Variants in UPF2 observed in about 807,000 individuals in gnomAD.
UPF2 encodes the protein regulator of nonsense transcripts 2.
A neutral mutation model predicts 141.4 loss-of-function variants in UPF2; 17 were observed. The observed-to-expected ratio is 0.12, with a 90% CI of 0.08 to 0.18. UPF2 has a LOEUF of 0.18. Among genes scored for constraint, UPF2 ranks in the 10% least tolerant of loss-of-function variants. The probability of loss-of-function intolerance (pLI) is 1.00; values close to 1 mark genes in which losing one functional copy is unlikely to be tolerated. For synonymous variants in UPF2, 540 were observed against 498.0 expected (o/e 1.08, Z -1.12); for missense variants, 1,152 against 1,515.9 (o/e 0.76, Z 3.99).
intron 18 of UPF2, among the ~76,000 whole-genome samples, chr10:11,938,139 A>G (rs1197308849): frequency 6.6e-6 from 1 of 152,156 alleles, no homozygotes; most frequent in Non-Finnish European, 1.5e-5. Flanking sequence ...GCATATACTA[A>G]TAATATATAC....
intron 3 of UPF2, among the ~76,000 whole-genome samples, chr10:12,020,422 T>C (rs1248100902): frequency 1.3e-5 from 2 of 152,112 alleles, no homozygotes; most frequent in Non-Finnish European, 2.9e-5. Flanking sequence ...CGGCTAATTT[T>C]GTATTTTTAG....
At chr10:11,966,157 G>A (rs1406242694) in intron 10 of UPF2, among the ~76,000 whole-genome samples, 1 of 152,158 alleles carries the variant, frequency 6.6e-6, no homozygotes, top group Non-Finnish European at 1.5e-5. Context: ...TGTAAATTCT[G>A]CTGCTGTTGG....
Position 11,940,298 on chromosome 10 carries a change from C to T in UPF2, c.3378+2367G>A, listed in dbSNP as rs1832920892. Reference sequence around the variant, plus strand: ...ATATCAAAAACTTCTATTCCTTTGACTTCATCAGCTTTTCTACCTTATTTC... The same window carrying T: ...ATATCAAAAACTTCTATTCCTTTGATTTCATCAGCTTTTCTACCTTATTTC... On this transcript the variant is annotated intron_variant, in intron 18 of 21. Transcript: ENST00000357604. The surrounding 1 kb of genome is among the most constrained non-coding windows in gnomAD (Gnocchi z 4.2). Among the ~76,000 whole-genome samples, 1 of 152,170 alleles carries T rather than the reference C, an allele frequency of 6.6e-6. No individual in the cohort carries two copies. The highest frequency in any genetic ancestry group is 6.5e-5 in the Admixed American group (1 of 15,276).
At chr10:12,033,689 A>C (rs1834569131) in intron 2 of UPF2, among the ~76,000 whole-genome samples, 1 of 152,232 alleles carries the variant, frequency 6.6e-6, no homozygotes, top group Non-Finnish European at 1.5e-5. Context: ...TTAGTTAAAA[A>C]TAAATAAGTT....
intron 19 of UPF2, among the ~76,000 whole-genome samples, chr10:11,934,802 C>T (rs540117570): frequency 5.3e-5 from 8 of 152,090 alleles, no homozygotes; most frequent in African/African-American, 1.7e-4. Context: ...GTTGGTCAGG[C>T]TGGTCTTGAA....
Position 12,019,613 on chromosome 10 carries a change from T to C in UPF2, c.1146-5429A>G, listed in dbSNP as rs572166432. On this transcript the variant is annotated intron_variant, in intron 3 of 21. Coordinates refer to ENST00000357604, the MANE Select transcript of UPF2 (RefSeq NM_015542.4). The surrounding 1 kb of genome is among the most constrained non-coding windows in gnomAD (Gnocchi z 4.5). Reference sequence around the variant, plus strand: ...AGAACAAAATCTATGCCAACTCTTATGCTTTGTTATAAAAATAAAAAAAAA... The same window carrying C: ...AGAACAAAATCTATGCCAACTCTTACGCTTTGTTATAAAAATAAAAAAAAA... Among the ~76,000 whole-genome samples, 2 of 152,228 alleles carry C rather than the reference T, an allele frequency of 1.3e-5. No homozygotes were observed. Among genetic ancestry groups the C allele is most frequent in the Non-Finnish European group, 2.9e-5 (2 of 68,050 alleles).
At chr10:11,930,216 C>T (rs1832766128) in intron 20 of UPF2, among the ~76,000 whole-genome samples, 1 of 152,230 alleles carries the variant, frequency 6.6e-6, no homozygotes, top group African/African-American at 2.4e-5. Flanking sequence ...CTAGCCACCA[C>T]ATAGCTATAT....
At chr10:12,007,785 C>T (rs891258040) in intron 4 of UPF2, among the ~76,000 whole-genome samples, 12 of 150,644 alleles carry the variant, frequency 8.0e-5, no homozygotes, top group South Asian at 2.1e-4. Context: ...GAGCTGTGAA[C>T]GCGCCACTGC....
chr10:11,945,676 C>T (rs890749359), intron 16 of UPF2, among the ~76,000 whole-genome samples: 9 of 152,112 alleles, frequency 5.9e-5, no homozygotes, highest in Non-Finnish European at 1.2e-4. Context: ...TTATAAAGTT[C>T]ATGTTTAAAA....
chr10:12,011,739 A>T (rs1032302333), intron 4 of UPF2, among the ~76,000 whole-genome samples: 8 of 151,956 alleles, frequency 5.3e-5, no homozygotes, highest in African/African-American at 1.9e-4. Context: ...TGAGGTTGGG[A>T]GTTCGAGACC....
At position 11,991,343 on chromosome 10, in the gene UPF2, G is replaced by C. The variant is rs572504479; in HGVS notation, c.1844+6329C>G. ...AACAGTGACTGGTAAGAATAAAATC[G>C]CCAGAAAACAACCACAGCACAGTCA... On this transcript the variant is annotated intron_variant, in intron 8 of 21. Transcript: ENST00000357604. Among the ~76,000 whole-genome samples the C allele has an allele frequency of 9.2e-5, 14 of 151,952 alleles. No individual in the cohort carries two copies. The East Asian group carries it at 2.3e-3, about 25-fold the overall frequency.
chr10:11,956,239 A>G lies in UPF2; in HGVS notation c.2574+81T>C. On this transcript the variant is annotated intron_variant, in intron 13 of 21. Transcript: ENST00000357604. This position sits in a 1 kb window ranked among gnomAD's most constrained non-coding sequence, Gnocchi z 4.2. ...ACTAATAAATTTACAGATTCCTATA[A>G]CTTGAGTCTCAATAGTAACCTAGAA... The G allele has an allele frequency of 7.8e-7, 1 of 1,277,864 alleles. No homozygotes were observed. The highest frequency in any genetic ancestry group is 1.1e-6 in the Non-Finnish European group (1 of 889,320). The allele number at this position is 1,277,864 out of a possible 1,614,324, so 79.2% of individuals were successfully genotyped here.
At chr10:11,963,373 T>G (rs1346116280) in intron 11 of UPF2, among the ~76,000 whole-genome samples, 1 of 148,906 alleles carries the variant, frequency 6.7e-6, no homozygotes, top group Non-Finnish European at 1.5e-5. Context: ...GGTCTCATTC[T>G]GCCGCCCAGG....
At chr10:12,023,304 AT>A (rs1479677790) in intron 3 of UPF2, among the ~76,000 whole-genome samples, 2 of 152,168 alleles carry the variant, frequency 1.3e-5, no homozygotes, top group African/African-American at 4.8e-5. Context: ...AAATAGGCAA[AT>A]ACTACTGGAT....
chr10:11,934,229 C>T (rs1032025061), intron 19 of UPF2, among the ~76,000 whole-genome samples: 1 of 152,198 alleles, frequency 6.6e-6, no homozygotes, highest in African/African-American at 2.4e-5. Context: ...TGTGAATCCT[C>T]GTAACAGTGG....
intron 8 of UPF2, among the ~76,000 whole-genome samples, chr10:11,993,446 G>C (rs1291825018): frequency 6.6e-6 from 1 of 151,402 alleles, no homozygotes; most frequent in Admixed American, 6.6e-5. Flanking sequence ...AAATAGATCT[G>C]AATCATTATT....
chr10:12,025,801 A>G (rs1239532285), intron 3 of UPF2, among the ~76,000 whole-genome samples: 1 of 152,170 alleles, frequency 6.6e-6, no homozygotes, highest in African/African-American at 2.4e-5. Context: ...AGCACTATTC[A>G]GTTTTTGTTT....
At chr10:11,997,415 C>A (rs527607740) in intron 8 of UPF2, among the ~76,000 whole-genome samples, 2 of 151,896 alleles carry the variant, frequency 1.3e-5, no homozygotes, top group Non-Finnish European at 2.9e-5. Flanking sequence ...TCTAGCAATT[C>A]TTCTTCTTCT....
intron 1 of UPF2, among the ~76,000 whole-genome samples, chr10:12,036,061 C>G (rs990817410): frequency 6.6e-6 from 1 of 152,196 alleles, no homozygotes; most frequent in Non-Finnish European, 1.5e-5. Context: ...ACTTCTTCAT[C>G]TGTATTAGTT....
Sources: gnomAD v4.1 joint callset for allele counts (sites outside exome capture counted in the v4.1 genomes callset) on GRCh38, gnomAD v4.1.1 for gene constraint, Gnocchi (gnomAD v3.1) non-coding constraint, MANE v1.5 for transcripts, NCBI Gene and HGNC (gene_info 2026-07-23, HGNC 2026-07-21) for gene names.